The following PALLD variants were observed in gnomAD, a reference collection of about 807,000 sequenced individuals.
PALLD encodes palladin.
PALLD carries 61 observed loss-of-function variants against 123.5 expected under a neutral mutation model. The ratio of observed to expected loss-of-function variants is 0.49; its 90% CI spans 0.40 to 0.61. PALLD has a LOEUF of 0.61. PALLD is among the 20% of genes least tolerant of loss of function. The pLI is 0.00. For synonymous variants in PALLD, 465 were observed against 496.4 expected (o/e 0.94, Z 0.84); for missense variants, 1,273 against 1,377.0 (o/e 0.92, Z 1.20).
At chr4:168,921,491 T>A (rs774482612) in intron 17 of PALLD, 43 bp from the exon 18 acceptor site, 6 of 1,366,166 alleles carry the variant, frequency 4.4e-6, no homozygotes, top group Non-Finnish European at 2.0e-6. Context: ...GATTTCACTC[T>A]GTTTTAATAC....
chr4:168,739,355 A>G (rs1788098307), intron 10 of PALLD, among the ~76,000 whole-genome samples: 1 of 152,176 alleles, frequency 6.6e-6, no homozygotes, highest in South Asian at 2.1e-4. Flanking sequence ...TGTTTTCCAT[A>G]GTGGCTATAC....
At chr4:168,542,675 A>C (rs369266019) in intron 2 of PALLD, among the ~76,000 whole-genome samples, 1,828 of 141,066 alleles carry the variant, frequency 0.013, 46 homozygotes, top group African/African-American at 0.015. Context: ...CTCTCTATAT[A>C]TATATATATA....
intron 2 of PALLD, among the ~76,000 whole-genome samples, chr4:168,654,412 G>C (rs1778356227): frequency 6.6e-6 from 1 of 152,172 alleles, no homozygotes; most frequent in African/African-American, 2.4e-5. Context: ...CAAAATGATG[G>C]ACTGTAGCCA....
chr4:168,903,192 C>T (rs1268036275), intron 14 of PALLD, among the ~76,000 whole-genome samples: 2 of 152,048 alleles, frequency 1.3e-5, no homozygotes, highest in African/African-American at 4.8e-5. Context: ...GCTTCCTGGC[C>T]CAGAAATAAA....
At chr4:168,579,819 GT>G (rs1216969290) in intron 2 of PALLD, among the ~76,000 whole-genome samples, 1 of 151,918 alleles carries the variant, frequency 6.6e-6, no homozygotes, top group Non-Finnish European at 1.5e-5. Flanking sequence ...ATACATATAT[GT>G]TGTAAAATGA....
chr4:168,797,473 A>G (rs1382702665), intron 10 of PALLD, among the ~76,000 whole-genome samples: 2 of 152,104 alleles, frequency 1.3e-5, no homozygotes, highest in Admixed American at 6.5e-5. Context: ...ATCACCCTCA[A>G]TTACATCACT....
chr4:168,880,890 A>G (rs755129064), intron 10 of PALLD, among the ~76,000 whole-genome samples: 8 of 152,120 alleles, frequency 5.3e-5, no homozygotes, highest in Non-Finnish European at 8.8e-5. Flanking sequence ...TAAATTTCCA[A>G]TATCTTAGTT....
chr4:168,802,987 C>A (rs377684563), intron 10 of PALLD, among the ~76,000 whole-genome samples: 1 of 152,136 alleles, frequency 6.6e-6, no homozygotes, highest in Non-Finnish European at 1.5e-5. Context: ...CCACTGTGCC[C>A]GGGCTACATT....
intron 10 of PALLD, among the ~76,000 whole-genome samples, chr4:168,880,364 T>C (rs1030756750): frequency 1.3e-5 from 2 of 152,138 alleles, no homozygotes; most frequent in Non-Finnish European, 2.9e-5. Context: ...TACCCAAAGA[T>C]AGTGAAGTGC....
chr4:168,836,613 G>C (rs1745228332), intron 10 of PALLD, among the ~76,000 whole-genome samples: 1 of 152,190 alleles, frequency 6.6e-6, no homozygotes, highest in Non-Finnish European at 1.5e-5. Flanking sequence ...CCACATTAGA[G>C]AACGGGGATC....
At chr4:168,881,488 G>A (rs1752600464) in intron 10 of PALLD, among the ~76,000 whole-genome samples, 1 of 148,704 alleles carries the variant, frequency 6.7e-6, no homozygotes, top group Non-Finnish European at 1.5e-5. Flanking sequence ...CCAGACCGCA[G>A]TCAACCAACT....
intron 2 of PALLD, among the ~76,000 whole-genome samples, chr4:168,565,478 AG>A: frequency 6.6e-6 from 1 of 152,266 alleles, no homozygotes; most frequent in Non-Finnish European, 1.5e-5. Flanking sequence ...CCAAACCTGG[AG>A]GTAAGAAAGA....
chr4:168,600,072 TAC>T (rs10546579), intron 2 of PALLD, among the ~76,000 whole-genome samples: 18,445 of 125,040 alleles, frequency 0.15, 2,148 homozygotes, highest in African/African-American at 0.29. Context: ...TACATGTGTA[TAC>T]ACACACATAT....
At chr4:168,520,048 C>T (rs75867368) in intron 2 of PALLD, among the ~76,000 whole-genome samples, 7,794 of 151,572 alleles carry the variant, frequency 0.051, 355 homozygotes, top group South Asian at 0.15. Flanking sequence ...CACCTTTCGC[C>T]GGGCACGGTG....
At chr4:168,552,777 G>A (rs537256389) in intron 2 of PALLD, among the ~76,000 whole-genome samples, 31 of 152,186 alleles carry the variant, frequency 2.0e-4, no homozygotes, top group African/African-American at 7.5e-4. Context: ...CCGGGCTCAT[G>A]CGATTGTCCT....
At chr4:168,597,468 A>G (rs1392956611) in intron 2 of PALLD, among the ~76,000 whole-genome samples, 2 of 152,090 alleles carry the variant, frequency 1.3e-5, no homozygotes, top group Non-Finnish European at 2.9e-5. Context: ...CATATACCAC[A>G]AACATTGCAA....
rs879855012 is a variant in PALLD at position 168,783,064 on chromosome 4, G to A, written c.1964+71141G>A. ...TATATATATGTGTGTGTGTGTGTGT[G>A]TGTGTGTGTGTGTGTGTGTGTATAG... is the stretch of plus-strand genomic sequence containing the variant. On this transcript the variant is annotated intron_variant, in intron 10 of 21. Transcript: ENST00000505667. Among the ~76,000 whole-genome samples, 1,138 of 150,852 alleles carry A rather than the reference G, an allele frequency of 7.5e-3. 6 individuals carry two copies. Among genetic ancestry groups the A allele is most frequent in the Middle Eastern group, 0.024 (7 of 294 alleles).
chr4:168,785,041 C>G (rs1486660386), intron 10 of PALLD, among the ~76,000 whole-genome samples: 1 of 99,086 alleles, frequency 1.0e-5, no homozygotes, highest in Non-Finnish European at 1.9e-5. Flanking sequence ...GAAGCCCCAG[C>G]TTTTTTCTCC....
At chr4:168,814,265 G>A (rs1304590678) in intron 10 of PALLD, among the ~76,000 whole-genome samples, 7 of 152,066 alleles carry the variant, frequency 4.6e-5, no homozygotes, top group Admixed American at 3.3e-4. Flanking sequence ...TGAAAGTTTG[G>A]GAGTTAAGAT....
Sources: allele counts gnomAD v4.1 joint callset (sites outside exome capture counted in the v4.1 genomes callset), GRCh38; gene constraint gnomAD v4.1.1; transcripts MANE v1.5; gene names NCBI Gene and HGNC (gene_info 2026-07-23, HGNC 2026-07-21).